Variants in NHSL2 observed in about 807,000 individuals in gnomAD.
NHSL2 encodes NHS like 2, also known as NHS-like protein 2.
In NHSL2, 27 loss-of-function variants were observed where a neutral mutation model predicts 53.4. The observed-to-expected ratio is 0.51, with a 90% CI of 0.37 to 0.70. The LOEUF is 0.70. NHSL2 is among the 30% of genes least tolerant of loss of function. NHSL2 has a pLI of 0.00. For missense variants in NHSL2, 892 were observed against 980.1 expected (o/e 0.91, Z 1.20); for synonymous variants, 408 against 404.1 (o/e 1.01, Z -0.12).
At position 71,926,150 on chromosome X, in the gene NHSL2, TG is replaced by T. The variant is rs201143023; in HGVS notation, c.280+14784del. On this transcript the variant is annotated intron_variant, in intron 1 of 7. Coordinates refer to ENST00000633930, the MANE Select transcript of NHSL2 (RefSeq NM_001013627.3). ...CATTTTTGCCTTTCTTTCTAATTTA[TG>T]AAGCTCTTTTACATTTGTTATCTCA... Among the ~76,000 whole-genome samples, 764 of 112,435 alleles carry T rather than the reference TG, an allele frequency of 6.8e-3. 5 individuals carry two copies. The highest frequency in any genetic ancestry group is 0.023 in the African/African-American group (710 of 30,939).
chrX:71,988,964 A>G (rs1441493884), intron 1 of NHSL2, among the ~76,000 whole-genome samples: 2 of 111,814 alleles, frequency 1.8e-5, no homozygotes, highest in African/African-American at 3.3e-5. Context: ...ACTCATCACT[A>G]TTTTGTATTC....
chrX:72,079,569 T>C (rs1463227539), intron 1 of NHSL2, among the ~76,000 whole-genome samples: 1 of 112,517 alleles, frequency 8.9e-6, no homozygotes, highest in Non-Finnish European at 1.9e-5. Context: ...AGTAGGCCAT[T>C]GCTAGGCGTT....
intron 1 of NHSL2, chrX:72,131,087 C>T (rs1569483003): frequency 8.3e-7 from 1 of 1,209,115 alleles, no homozygotes. Flanking sequence ...GGCTCTATCT[C>T]AGGCCGCTCC....
At chrX:72,029,878 G>T (rs769350478) in intron 1 of NHSL2, among the ~76,000 whole-genome samples, 1 of 112,148 alleles carries the variant, frequency 8.9e-6, no homozygotes, top group South Asian at 3.7e-4. Context: ...CCTTGTAAGG[G>T]TGCATTTTTG....
intron 1 of NHSL2, among the ~76,000 whole-genome samples, chrX:72,077,804 C>T (rs1026183946): frequency 8.9e-6 from 1 of 112,189 alleles, no homozygotes; most frequent in Non-Finnish European, 1.9e-5. Flanking sequence ...GAGACAATAG[C>T]CAGTGGGAGA....
chrX:71,914,797 G>A (rs1049067294), intron 1 of NHSL2, among the ~76,000 whole-genome samples: 4 of 111,657 alleles, frequency 3.6e-5, no homozygotes, highest in African/African-American at 1.3e-4. Context: ...ATTAGATGAG[G>A]TGTTGTGGAC....
In NHSL2 at chrX:72,140,294, C is replaced by T. The variant is rs775423599; in HGVS notation, c.2746C>T (p.Leu916Phe). ...GAGCTCAATTCAACATGCGAGACCA[C>T]TCCCTCAAGACAGCTACACGGTAGT... ...PRSSIQHARPLPQDSYTVVRK... is the reference protein window; with the variant it reads ...PRSSIQHARPFPQDSYTVVRK... The change falls in exon 6 of 8, where the codon CTC becomes TTC. Residue 916 changes from leucine (L) to phenylalanine (F), a missense_variant. Leu to Phe is a conservative substitution (Grantham distance 22). Coordinates refer to ENST00000633930, the MANE Select transcript of NHSL2 (RefSeq NM_001013627.3). The T allele has an allele frequency of 1.3e-4, 154 of 1,209,010 alleles. No homozygotes were observed. Among genetic ancestry groups the T allele is most frequent in the Middle Eastern group, 4.6e-4 (2 of 4,362 alleles).
chrX:71,983,967 G>A (rs67244940), intron 1 of NHSL2, among the ~76,000 whole-genome samples: 3,978 of 111,363 alleles, frequency 0.036, 170 homozygotes, highest in African/African-American at 0.12. Context: ...CTGTGACTAA[G>A]AAGGCCTAAC....
intron 1 of NHSL2, among the ~76,000 whole-genome samples, chrX:72,121,802 C>A (rs1423548839): frequency 8.9e-6 from 1 of 111,876 alleles, no homozygotes; most frequent in African/African-American, 3.3e-5. Context: ...GATCTTTTCT[C>A]CATGAACCTC....
chrX:72,113,106 A>G (rs1208054103), intron 1 of NHSL2, among the ~76,000 whole-genome samples: 1 of 111,593 alleles, frequency 9.0e-6, no homozygotes, highest in Non-Finnish European at 1.9e-5. Context: ...CTGCCTTTTC[A>G]TTTTCTTGAT....
chrX:72,145,874 A>G lies in NHSL2; in HGVS notation c.*2300A>G, dbSNP rs1215397971. On this transcript the variant is annotated 3_prime_UTR_variant, in exon 8 of 8. Transcript: ENST00000633930. Reference sequence around the variant, plus strand: ...AAAGATTCTGAACCTGAATTCTCAGACACCTTGATGTTTGTCAGTTACCTT... The same window carrying G: ...AAAGATTCTGAACCTGAATTCTCAGGCACCTTGATGTTTGTCAGTTACCTT... 1.8e-5 allele frequency: 2 copies of G among 112,018 alleles called. No homozygotes were observed. Among genetic ancestry groups the G allele is most frequent in the African/African-American group, 6.5e-5 (2 of 30,785 alleles). The allele number at this position is 112,018 out of a possible 1,213,427, so 9.2% of individuals were successfully genotyped here. A position where few individuals can be genotyped will look rare whatever the true frequency, so the allele number is the denominator to read the frequency against.
At chrX:72,022,066 TG>T (rs2042163004) in intron 1 of NHSL2, among the ~76,000 whole-genome samples, 2 of 111,947 alleles carry the variant, frequency 1.8e-5, no homozygotes, top group South Asian at 7.5e-4. Flanking sequence ...GCACTCTACC[TG>T]CTTCTCAGAA....
In NHSL2 at chrX:72,138,438, C is replaced by T. The variant is rs765411200; in HGVS notation, c.893-3C>T. ...ACTCATGTCCTGTGTTTATTTCCTC[C>T]AGGTCACAGCAACAGCCCAGCAGGC... On this transcript the variant is annotated splice_polypyrimidine_tract_variant and splice_region_variant and intron_variant, in intron 5 of 7. Coordinates refer to ENST00000633930, the MANE Select transcript of NHSL2 (RefSeq NM_001013627.3). 1 of 1,131,943 alleles carries T rather than the reference C, an allele frequency of 8.8e-7. No individual in the cohort carries two copies. The highest frequency in any genetic ancestry group is 1.2e-6 in the Non-Finnish European group (1 of 850,496). The allele number at this position is 1,131,943 out of a possible 1,213,427, so 93.3% of individuals were successfully genotyped here.
chrX:72,091,989 AAC>A (rs771155822), intron 1 of NHSL2, among the ~76,000 whole-genome samples: 2 of 110,063 alleles, frequency 1.8e-5, no homozygotes, highest in African/African-American at 6.6e-5. Context: ...TGCACACATG[AAC>A]ACACACACAC....
chrX:72,080,570 ACG>A (rs1491456259), intron 1 of NHSL2, among the ~76,000 whole-genome samples: 6 of 35,471 alleles, frequency 1.7e-4, no homozygotes, highest in African/African-American at 3.4e-4. Flanking sequence ...GGAATTCTGC[ACG>A]TGTGTGTGTG....
intron 1 of NHSL2, among the ~76,000 whole-genome samples, chrX:72,038,081 G>A (rs914812026): frequency 2.7e-5 from 3 of 112,280 alleles, no homozygotes; most frequent in African/African-American, 9.7e-5. Context: ...AGTGGGGTCT[G>A]GGAGTCTGGG....
intron 1 of NHSL2, among the ~76,000 whole-genome samples, chrX:72,107,019 G>A (rs2042048544): frequency 1.8e-5 from 2 of 110,860 alleles, no homozygotes; most frequent in South Asian, 3.8e-4. Flanking sequence ...TGTAAATGAC[G>A]AGTTGATGGG....
intron 4 of NHSL2, among the ~76,000 whole-genome samples, chrX:72,135,957 C>A (rs1252749688): frequency 2.7e-5 from 3 of 111,454 alleles, no homozygotes; most frequent in Non-Finnish European, 5.7e-5. Context: ...GATTGCTTGA[C>A]CCCAGGAGTC....
intron 1 of NHSL2, among the ~76,000 whole-genome samples, chrX:72,081,259 G>A (rs1022870560): frequency 1.8e-5 from 2 of 112,415 alleles, no homozygotes; most frequent in Non-Finnish European, 3.8e-5. Flanking sequence ...GATGGGAGTA[G>A]ATGCGGTCTG....
Sources: allele counts gnomAD v4.1 joint callset (sites outside exome capture counted in the v4.1 genomes callset), GRCh38; gene constraint gnomAD v4.1.1; transcripts MANE v1.5; gene names NCBI Gene and HGNC (gene_info 2026-07-23, HGNC 2026-07-21).